Variants in ZNF483 observed in about 807,000 individuals in gnomAD.
The protein encoded by ZNF483 is zinc finger protein 483.
In ZNF483, 9 loss-of-function variants were observed where a neutral mutation model predicts 28.6. The observed-to-expected ratio is 0.32, with a 90% CI of 0.19 to 0.55. The LOEUF (loss-of-function observed/expected upper bound fraction) is 0.55, where lower values mean the gene tolerates loss of function less well. Among genes scored for constraint, ZNF483 ranks in the 20% least tolerant of loss-of-function variants. The probability of loss-of-function intolerance (pLI) is 0.93; values close to 1 mark genes in which losing one functional copy is unlikely to be tolerated. For missense variants in ZNF483, 675 were observed against 871.7 expected, an observed-to-expected ratio of 0.77 and a Z score of 2.84; for synonymous variants, 322 against 306.2, an observed-to-expected ratio of 1.05 and a Z score of -0.54.
intron 5 of ZNF483, chr9:111,574,625 A>T: frequency 1.4e-6 from 1 of 715,368 alleles, no homozygotes. Flanking sequence ...AAAAAAGAAT[A>T]TATGAAAATC....
chr9:111,567,332 T>TG (rs1351626500), intron 5 of ZNF483, among the ~76,000 whole-genome samples: 3 of 152,064 alleles, frequency 2.0e-5, no homozygotes, highest in African/African-American at 4.8e-5. Flanking sequence ...GGACTATAGG[T>TG]GCACGCCACC....
chr9:111,534,964 C>G (rs7040225), intron 5 of ZNF483, among the ~76,000 whole-genome samples: 1 of 151,794 alleles, frequency 6.6e-6, no homozygotes, highest in Non-Finnish European at 1.5e-5. Context: ...ACCTCGTGAT[C>G]GGCCTGCCTC....
At chr9:111,534,833 C>T (rs1142971) in intron 5 of ZNF483, among the ~76,000 whole-genome samples, 2 of 147,068 alleles carry the variant, frequency 1.4e-5, no homozygotes, top group Non-Finnish European at 3.0e-5. Context: ...AAGTGATTCT[C>T]CTGCCTCAGC....
chr9:111,554,651 T>G lies in ZNF483; in HGVS notation c.*11481T>G, dbSNP rs188992218. 1.7e-3 allele frequency among the ~76,000 whole-genome samples: 256 copies of G among 151,460 alleles called. 3 individuals carry two copies. Among genetic ancestry groups the G allele is most frequent in the African/African-American group, 6.0e-3 (249 of 41,232 alleles). ...GACATGGATATGCTGGACAAAGGGA[T>G]AATTTGTGTCCTAGGAGGCACGGAG... On this transcript the variant is annotated 3_prime_UTR_variant, in exon 6 of 6. Transcript: ENST00000309235.
chr9:111,527,226 GTTT>G, intron 1 of ZNF483, 39 bp from the exon 2 acceptor site: 2 of 649,788 alleles, frequency 3.1e-6, no homozygotes, highest in Non-Finnish European at 4.9e-6. Flanking sequence ...ACTAACAACA[GTTT>G]TTTTACTTAT....
At position 111,530,972 on chromosome 9, in the gene ZNF483, C is replaced by A. The variant is rs780909244; in HGVS notation, c.501+9C>A. On this transcript the variant is annotated intron_variant, in intron 3 of 5. Transcript: ENST00000309235. Reference sequence around the variant, plus strand: ...CCAATACTGAGTCCTGTGTAAGTTTCCTTTGATGGTTTTTATTCCTAAGTG... The same window carrying A: ...CCAATACTGAGTCCTGTGTAAGTTTACTTTGATGGTTTTTATTCCTAAGTG... The A allele has an allele frequency of 2.1e-6, 3 of 1,418,082 alleles. No individual in the cohort carries two copies. In the South Asian group the frequency reaches 3.9e-5, roughly 19 times the overall value. The allele number at this position is 1,418,082 out of a possible 1,614,324, so 87.8% of individuals were successfully genotyped here.
chr9:111,534,409 G>A, intron 5 of ZNF483, 56 bp downstream of exon 5: 1 of 1,437,170 alleles, frequency 7.0e-7, no homozygotes. Context: ...CAAGTCTGTT[G>A]AGAAGACTCT....
chr9:111,533,750 A>C lies in ZNF483; in HGVS notation c.513A>C (p.Thr171=). 1 of 1,570,872 alleles carries C rather than the reference A, an allele frequency of 6.4e-7. No homozygotes were observed. The highest frequency in any genetic ancestry group is 1.2e-5 in the South Asian group (1 of 82,730). The part of the protein sequence containing the change: ...CPNTESCESI[T]LKDVAVNFSR... ...GTTTGGTGTTCTAGGAATCTATAAC[A>C]TTGAAGGATGTAGCTGTGAACTTTT... Residue 171 remains threonine (T), a synonymous_variant, in exon 4 of 6, where the codon ACA becomes ACC. Coordinates refer to ENST00000309235, the MANE Select transcript of ZNF483 (RefSeq NM_133464.5).
chr9:111,557,682 G>A (rs554157915), downstream of ZNF483, among the ~76,000 whole-genome samples: 2 of 151,910 alleles, frequency 1.3e-5, no homozygotes, highest in African/African-American at 4.8e-5. Flanking sequence ...CGCCCACCTC[G>A]GCCTCCCTAA....
chr9:111,539,493 G>T, intron 5 of ZNF483: 1 of 454,648 alleles, frequency 2.2e-6, no homozygotes, highest in South Asian at 1.6e-5. Context: ...GCTGGGTGTG[G>T]TGGCTCATGC....
rs908835657 is a variant in ZNF483 at position 111,546,318 on chromosome 9, A to G, written c.*3148A>G. ...ATCCAATATGAACTTTCTAAATACC[A>G]TGTACTAGCTACAGAGAGCAGCCCA... On this transcript the variant is annotated 3_prime_UTR_variant, in exon 6 of 6. Coordinates refer to ENST00000309235, the MANE Select transcript of ZNF483 (RefSeq NM_133464.5). Among the ~76,000 whole-genome samples the G allele has an allele frequency of 6.6e-6, 1 of 152,172 alleles. No homozygotes were observed. Among genetic ancestry groups the G allele is most frequent in the Non-Finnish European group, 1.5e-5 (1 of 68,004 alleles).
At chr9:111,529,125 G>A (rs1325236648) in intron 2 of ZNF483, among the ~76,000 whole-genome samples, 2 of 137,062 alleles carry the variant, frequency 1.5e-5, no homozygotes, top group Non-Finnish European at 3.2e-5. Flanking sequence ...CAATAACAGC[G>A]AAACTCCGTC....
intron 1 of ZNF483, among the ~76,000 whole-genome samples, chr9:111,526,022 C>T (rs1293453292): frequency 6.6e-6 from 1 of 152,262 alleles, no homozygotes; most frequent in East Asian, 1.9e-4. Flanking sequence ...CCCCGCAGCT[C>T]ATGGCCCCTG....
At chr9:111,562,895 C>G in intron 5 of ZNF483, 1 of 1,252,244 alleles carries the variant, frequency 8.0e-7, no homozygotes, top group Non-Finnish European at 1.0e-6. Flanking sequence ...TACCACAACT[C>G]AGAAGAAGCT....
Position 111,534,255 on chromosome 9 carries a change from G to C in ZNF483, c.629-6G>C. The C allele has an allele frequency of 6.2e-7, 1 of 1,613,206 alleles. No individual in the cohort carries two copies. Among genetic ancestry groups the C allele is most frequent in the Non-Finnish European group, 8.5e-7 (1 of 1,179,266 alleles). The stretch of plus-strand genomic sequence containing the variant: ...AGCAATTTTCTGTTCTTTTCTCTAT[G>C]AGCAGACTTTCCAGTTTCAAAATTA... On this transcript the variant is annotated splice_polypyrimidine_tract_variant and splice_region_variant and intron_variant, in intron 4 of 5. Coordinates refer to ENST00000309235, the MANE Select transcript of ZNF483 (RefSeq NM_133464.5).
chr9:111,548,272 CTG>C lies in ZNF483; in HGVS notation c.*5105_*5106del, dbSNP rs1827849992. On this transcript the variant is annotated 3_prime_UTR_variant, in exon 6 of 6. Transcript: ENST00000309235. ...TACTAACAATAACAAACATTACAGTCTGTGAACCCCAGGTGTCTTTCCATGTA... is the reference window on the plus strand; with the variant it reads ...TACTAACAATAACAAACATTACAGTCTGAACCCCAGGTGTCTTTCCATGTA... Among the ~76,000 whole-genome samples the C allele has an allele frequency of 6.6e-6, 1 of 152,144 alleles. No homozygotes were observed. The highest frequency in any genetic ancestry group is 2.1e-4 in the South Asian group (1 of 4,832).
chr9:111,532,685 C>T (rs945480106), intron 3 of ZNF483, among the ~76,000 whole-genome samples: 12 of 152,166 alleles, frequency 7.9e-5, no homozygotes, highest in Admixed American at 4.6e-4. Flanking sequence ...AGGTAATACA[C>T]GTACCAATAG....
chr9:111,531,387 T>A (rs760575541), intron 3 of ZNF483, among the ~76,000 whole-genome samples: 1 of 152,152 alleles, frequency 6.6e-6, no homozygotes, highest in African/African-American at 2.4e-5. Context: ...TCTTTTTTTT[T>A]CTTTCTTGAG....
intron 5 of ZNF483, among the ~76,000 whole-genome samples, chr9:111,561,571 T>C (rs535227183): frequency 1.3e-5 from 2 of 152,244 alleles, no homozygotes; most frequent in South Asian, 4.1e-4. Context: ...CCTTCAGTAA[T>C]GTTTTAAGTT....
Sources: gnomAD v4.1 joint callset for allele counts (sites outside exome capture counted in the v4.1 genomes callset) on GRCh38, gnomAD v4.1.1 for gene constraint, MANE v1.5 for transcripts, NCBI Gene and HGNC (gene_info 2026-07-23, HGNC 2026-07-21) for gene names.